SLC24A3: variants seen among roughly 807,000 people sequenced by gnomAD.
The protein encoded by SLC24A3 is sodium/potassium/calcium exchanger 3.
Under a neutral mutation model 75.8 loss-of-function variants are expected in SLC24A3, and 28 were observed. The ratio of observed to expected loss-of-function variants is 0.37; its 90% CI spans 0.27 to 0.51. The LOEUF (loss-of-function observed/expected upper bound fraction) is 0.51. Among genes scored for constraint, SLC24A3 ranks in the 20% least tolerant of loss-of-function variants. The pLI, the probability that SLC24A3 is intolerant of heterozygous loss-of-function variation, is 0.94. For missense variants in SLC24A3, 663 were observed against 847.8 expected, an observed-to-expected ratio of 0.78 and a Z score of 2.71; for synonymous variants, 372 against 334.1, an observed-to-expected ratio of 1.11 and a Z score of -1.24.
chr20:19,433,103 A>C (rs192882928), intron 2 of SLC24A3, among the ~76,000 whole-genome samples: 3 of 152,328 alleles, frequency 2.0e-5, no homozygotes, highest in Non-Finnish European at 4.4e-5. Context: ...CTCTCTAGGA[A>C]GTTCTCCTCA....
At chr20:19,581,884 G>A (rs888537932) in intron 4 of SLC24A3, among the ~76,000 whole-genome samples, 2 of 152,156 alleles carry the variant, frequency 1.3e-5, no homozygotes, top group Non-Finnish European at 2.9e-5. Context: ...GACCCACAGC[G>A]ATACTGGAGG....
At chr20:19,228,360 C>A (rs991080085) in intron 1 of SLC24A3, among the ~76,000 whole-genome samples, 1 of 152,106 alleles carries the variant, frequency 6.6e-6, no homozygotes, top group African/African-American at 2.4e-5. Context: ...AAAATCAGGG[C>A]CGGGCGCGGT....
chr20:19,614,834 G>T (rs1281819721), intron 6 of SLC24A3, among the ~76,000 whole-genome samples: 1 of 152,194 alleles, frequency 6.6e-6, no homozygotes, highest in Non-Finnish European at 1.5e-5. Flanking sequence ...AATCAATAAT[G>T]AGGCTGGATT....
chr20:19,528,352 TTTCCCATCTCTTTACC>T (rs1389266955), intron 3 of SLC24A3, among the ~76,000 whole-genome samples: 2 of 152,134 alleles, frequency 1.3e-5, no homozygotes, highest in African/African-American at 2.4e-5. Flanking sequence ...TGGTGCCCAT[TTTCCCATCTCTTTACC>T]TTCCCATCTC....
chr20:19,271,402 G>C (rs1255223393), intron 1 of SLC24A3, among the ~76,000 whole-genome samples: 2 of 152,030 alleles, frequency 1.3e-5, no homozygotes, highest in Non-Finnish European at 2.9e-5. Context: ...ATGTAAACTA[G>C]TACAACCACT....
chr20:19,355,340 A>G (rs547941862), intron 2 of SLC24A3, among the ~76,000 whole-genome samples: 1 of 152,332 alleles, frequency 6.6e-6, no homozygotes, highest in South Asian at 2.1e-4. Flanking sequence ...CCACTGATTA[A>G]AATCCAAAAA....
At chr20:19,640,454 A>G (rs905291632) in intron 6 of SLC24A3, among the ~76,000 whole-genome samples, 2 of 152,116 alleles carry the variant, frequency 1.3e-5, no homozygotes, top group African/African-American at 2.4e-5. Flanking sequence ...GTAATTGTCA[A>G]TATCATTTTT....
intron 6 of SLC24A3, among the ~76,000 whole-genome samples, chr20:19,633,722 A>G (rs1010786957): frequency 2.6e-5 from 4 of 151,074 alleles, no homozygotes; most frequent in Non-Finnish European, 5.9e-5. Context: ...ACTTTAAGTT[A>G]GTTCCCTCTT....
intron 2 of SLC24A3, among the ~76,000 whole-genome samples, chr20:19,404,063 G>A (rs1986599782): frequency 1.3e-5 from 2 of 152,190 alleles, no homozygotes; most frequent in Non-Finnish European, 2.9e-5. Flanking sequence ...CAGCATTGTG[G>A]TCATCTGGCC....
At chr20:19,535,511 C>T (rs6035371) in intron 3 of SLC24A3, among the ~76,000 whole-genome samples, 1 of 152,162 alleles carries the variant, frequency 6.6e-6, no homozygotes, top group Non-Finnish European at 1.5e-5. Flanking sequence ...ATACTGAGGC[C>T]TAGGCTTAAA....
At chr20:19,426,211 A>G (rs559728446) in intron 2 of SLC24A3, among the ~76,000 whole-genome samples, 20 of 152,302 alleles carry the variant, frequency 1.3e-4, no homozygotes, top group African/African-American at 4.8e-4. Flanking sequence ...AAATATATGA[A>G]TATATTTACT....
intron 1 of SLC24A3, among the ~76,000 whole-genome samples, chr20:19,251,260 C>T (rs1286053441): frequency 1.3e-5 from 2 of 152,212 alleles, no homozygotes; most frequent in Non-Finnish European, 2.9e-5. Flanking sequence ...GTTGGAGGTG[C>T]CCCTCCCTCA....
intron 2 of SLC24A3, among the ~76,000 whole-genome samples, chr20:19,489,666 G>T (rs1988177980): frequency 6.6e-6 from 1 of 152,228 alleles, no homozygotes. Flanking sequence ...CAGAGGGGCT[G>T]ATCAGGGGAA....
chr20:19,497,021 T>C (rs1482968039), intron 2 of SLC24A3, among the ~76,000 whole-genome samples: 1 of 152,206 alleles, frequency 6.6e-6, no homozygotes, highest in Non-Finnish European at 1.5e-5. Context: ...ACACACTAAG[T>C]AGACATTAGG....
At chr20:19,260,958 A>T (rs1982968047) in intron 1 of SLC24A3, among the ~76,000 whole-genome samples, 1 of 152,182 alleles carries the variant, frequency 6.6e-6, no homozygotes. Flanking sequence ...TGTGTTTCTA[A>T]TGGGAAACCG....
At chr20:19,390,037 G>A (rs1031646478) in intron 2 of SLC24A3, among the ~76,000 whole-genome samples, 20 of 152,094 alleles carry the variant, frequency 1.3e-4, no homozygotes, top group African/African-American at 4.8e-4. Context: ...CAGTCATTGT[G>A]TTCTTTAGCT....
chr20:19,496,217 TC>T (rs1321385882), intron 2 of SLC24A3, among the ~76,000 whole-genome samples: 5 of 152,146 alleles, frequency 3.3e-5, no homozygotes, highest in Middle Eastern at 3.2e-3. Flanking sequence ...GTAAGCCTAG[TC>T]TAGCATCAGT....
chr20:19,411,413 G>A (rs1367145000), intron 2 of SLC24A3, among the ~76,000 whole-genome samples: 1 of 152,210 alleles, frequency 6.6e-6, no homozygotes. Flanking sequence ...GGACAGTAAA[G>A]TCAATATTTG....
intron 15 of SLC24A3, among the ~76,000 whole-genome samples, chr20:19,709,794 G>A (rs563502500): frequency 2.6e-5 from 4 of 152,216 alleles, no homozygotes; most frequent in African/African-American, 7.2e-5. Flanking sequence ...CACCAGCTTC[G>A]TAAACTTGAC....
Sources: allele counts gnomAD v4.1 joint callset (sites outside exome capture counted in the v4.1 genomes callset), GRCh38; gene constraint gnomAD v4.1.1; transcripts MANE v1.5; gene names NCBI Gene and HGNC (gene_info 2026-07-23, HGNC 2026-07-21).